The following ATP2B1 variants were observed in gnomAD, a reference collection of about 807,000 sequenced individuals.
The protein encoded by ATP2B1 is ATPase plasma membrane Ca2+ transporting 1.
In ATP2B1, 14 loss-of-function variants were observed where a neutral mutation model predicts 124.2. The observed-to-expected ratio is 0.11, with a 90% CI of 0.07 to 0.18. ATP2B1 has a LOEUF of 0.18. Ranked by LOEUF, ATP2B1 falls within the 10% of genes least tolerant of loss-of-function variation. The pLI, the probability that ATP2B1 is intolerant of heterozygous loss-of-function variation, is 1.00. For missense variants in ATP2B1, 763 were observed against 1,466.1 expected, an observed-to-expected ratio of 0.52 and a Z score of 7.83; for synonymous variants, 449 against 492.4, an observed-to-expected ratio of 0.91 and a Z score of 1.17.
intron 2 of ATP2B1, among the ~76,000 whole-genome samples, chr12:89,652,231 C>T (rs921387656): frequency 2.0e-5 from 3 of 152,202 alleles, no homozygotes; most frequent in Admixed American, 6.5e-5. Context: ...CTAATAAATA[C>T]TACAAAATTT....
At chr12:89,642,924 C>T (rs925480546) in intron 2 of ATP2B1, among the ~76,000 whole-genome samples, 2 of 151,824 alleles carry the variant, frequency 1.3e-5, no homozygotes, top group African/African-American at 4.8e-5. Flanking sequence ...TATTTCTGAT[C>T]GTACTATCCT....
chr12:89,683,784 T>C (rs1044036979), intron 1 of ATP2B1, among the ~76,000 whole-genome samples: 1 of 152,184 alleles, frequency 6.6e-6, no homozygotes, highest in African/African-American at 2.4e-5. Flanking sequence ...GAGAAGGGAA[T>C]CTGACAATAA....
intron 11 of ATP2B1, among the ~76,000 whole-genome samples, chr12:89,618,711 G>A (rs1016430174): frequency 2.0e-5 from 3 of 152,042 alleles, no homozygotes; most frequent in African/African-American, 7.3e-5. Flanking sequence ...TCCCCACCTC[G>A]AAGTTCTCAT....
chr12:89,614,577 G>C (rs538569629), intron 12 of ATP2B1, among the ~76,000 whole-genome samples: 1 of 152,220 alleles, frequency 6.6e-6, no homozygotes, highest in South Asian at 2.1e-4. Flanking sequence ...GATGGTTAGC[G>C]ACCATCTCCT....
Position 89,590,751 on chromosome 12 carries a change from T to C in ATP2B1, c.*233A>G. The C allele has an allele frequency of 2.1e-6, 1 of 465,988 alleles. No homozygotes were observed. The highest frequency in any genetic ancestry group is 2.5e-5 in the South Asian group (1 of 40,778). The allele number at this position is 465,988 out of a possible 1,614,324, so 28.9% of individuals were successfully genotyped here. On this transcript the variant is annotated 3_prime_UTR_variant, in exon 21 of 21. Coordinates refer to ENST00000428670, the MANE Select transcript of ATP2B1 (RefSeq NM_001366521.1). ...CTGATGATCCACAGGTCACTTACGC[T>C]GAGTTACTGTTTATCTGTCAGTTCA...
At chr12:89,600,076 AC>A (rs1379857859) in intron 19 of ATP2B1, among the ~76,000 whole-genome samples, 1 of 152,204 alleles carries the variant, frequency 6.6e-6, no homozygotes, top group Non-Finnish European at 1.5e-5. Flanking sequence ...AGGTCTCCTG[AC>A]CACCAAAGGC....
intron 3 of ATP2B1, among the ~76,000 whole-genome samples, chr12:89,639,004 A>G (rs1286212126): frequency 6.6e-6 from 1 of 152,194 alleles, no homozygotes; most frequent in Non-Finnish European, 1.5e-5. Context: ...ACTCCTGTTA[A>G]GTGCAGATAC....
intron 1 of ATP2B1, among the ~76,000 whole-genome samples, chr12:89,678,443 C>A (rs1201726340): frequency 1.3e-5 from 2 of 152,120 alleles, no homozygotes; most frequent in Admixed American, 6.6e-5. Context: ...TGTTATTCAT[C>A]TTATTTACTC....
Position 89,603,249 on chromosome 12 carries a change from T to G in ATP2B1, c.2854A>C (p.Lys952Gln). 1 of 1,597,160 alleles carries G rather than the reference T, an allele frequency of 6.3e-7. No individual in the cohort carries two copies. The highest frequency in any genetic ancestry group is 8.5e-7 in the Non-Finnish European group (1 of 1,172,750). Residue 952 changes from lysine (K) to glutamine (Q), a missense_variant, in exon 18 of 21, where the codon AAG (lysine) becomes CAG (glutamine). Coordinates refer to ENST00000428670, the MANE Select transcript of ATP2B1 (RefSeq NM_001366521.1). The surrounding 1 kb of genome is among the most constrained non-coding windows in gnomAD (Gnocchi z 4.3). Reference sequence around the variant, plus strand: ...CTTCCACTATCAATGTCAAAAAACTTTTCTCCTGAAAGAATGAAAAATGAC... The same window carrying G: ...CTTCCACTATCAATGTCAAAAAACTGTTCTCCTGAAAGAATGAAAAATGAC... ...VVFTLLFAGE[K>Q]FFDIDSGRNA...
chr12:89,596,053 A>G (rs564496641), intron 20 of ATP2B1, among the ~76,000 whole-genome samples: 1 of 152,082 alleles, frequency 6.6e-6, no homozygotes, highest in African/African-American at 2.4e-5. Context: ...AGGTGTGTGC[A>G]TATATGTGTC....
chr12:89,621,740 T>C lies in ATP2B1; in HGVS notation c.1396A>G (p.Met466Val). ...LVRHLDACET[M>V]GNATAICSDK... ...GAACAAATAGCTGTAGCATTTCCCA[T>C]GGTTTCACAAGCATCCAGATGCCTT... The change falls in exon 10 of 21, where the codon ATG becomes GTG. Residue 466 changes from methionine to valine, a missense_variant. Met to Val is a conservative substitution (Grantham distance 21). Coordinates refer to ENST00000428670, the MANE Select transcript of ATP2B1 (RefSeq NM_001366521.1). 6.2e-7 allele frequency: 1 copy of C among 1,607,760 alleles called. No homozygotes were observed. Among genetic ancestry groups the C allele is most frequent in the Non-Finnish European group, 8.5e-7 (1 of 1,176,968 alleles).
intron 6 of ATP2B1, among the ~76,000 whole-genome samples, chr12:89,629,344 G>C (rs1026743118): frequency 1.3e-5 from 2 of 152,164 alleles, no homozygotes; most frequent in Non-Finnish European, 2.9e-5. Context: ...GTACAGTTGT[G>C]AGGATTAATG....
At chr12:89,684,187 GTTAC>G (rs886511038) in intron 1 of ATP2B1, among the ~76,000 whole-genome samples, 2 of 152,090 alleles carry the variant, frequency 1.3e-5, no homozygotes, top group African/African-American at 4.8e-5. Flanking sequence ...ATGAAAATTG[GTTAC>G]TTACAAAAAG....
intron 1 of ATP2B1, among the ~76,000 whole-genome samples, chr12:89,686,572 T>C (rs756891884): frequency 7.9e-5 from 12 of 152,086 alleles, no homozygotes; most frequent in Non-Finnish European, 1.2e-4. Flanking sequence ...AAAATTTGTT[T>C]TACAGTGAGT....
chr12:89,610,969 T>C (rs1364788529), intron 13 of ATP2B1, among the ~76,000 whole-genome samples: 1 of 152,136 alleles, frequency 6.6e-6, no homozygotes, highest in Non-Finnish European at 1.5e-5. Flanking sequence ...GCTGCTACTT[T>C]TATATAGCAT....
intron 1 of ATP2B1, among the ~76,000 whole-genome samples, chr12:89,675,080 T>C (rs905828421): frequency 1.3e-4 from 20 of 152,192 alleles, no homozygotes; most frequent in African/African-American, 4.6e-4. Context: ...ACCAAAATTC[T>C]TGGGAATTTT....
At position 89,628,817 on chromosome 12, in the gene ATP2B1, CCTAG is replaced by C. The variant is rs199859939; in HGVS notation, c.929-1105_929-1102del. Among the ~76,000 whole-genome samples, 74 of 152,154 alleles carry C rather than the reference CCTAG, an allele frequency of 4.9e-4. No homozygotes were observed. In the East Asian group the frequency reaches 0.01, roughly 21 times the overall value. The stretch of plus-strand genomic sequence containing the variant: ...TTGATGAGGAGATAGTAAGATAATA[CCTAG>C]CTACTTTTAATGAGCTCAAGTTTGG... On this transcript the variant is annotated intron_variant, in intron 6 of 20. Transcript: ENST00000428670.
chr12:89,619,431 G>C (rs990417339), intron 11 of ATP2B1, among the ~76,000 whole-genome samples: 5 of 151,934 alleles, frequency 3.3e-5, no homozygotes, highest in Admixed American at 2.6e-4. Flanking sequence ...GGCCAACATG[G>C]TGAAACCCTG....
At chr12:89,637,960 A>G (rs907404707) in intron 3 of ATP2B1, among the ~76,000 whole-genome samples, 2 of 152,178 alleles carry the variant, frequency 1.3e-5, no homozygotes, top group Non-Finnish European at 2.9e-5. Flanking sequence ...AGAGAACTTG[A>G]AGCAAATTAA....
Sources: allele counts gnomAD v4.1 joint callset (sites outside exome capture counted in the v4.1 genomes callset), GRCh38; gene constraint gnomAD v4.1.1; non-coding constraint Gnocchi (gnomAD v3.1); transcripts MANE v1.5; gene names NCBI Gene and HGNC (gene_info 2026-07-23, HGNC 2026-07-21).